Variants in BNC2 observed in about 807,000 individuals in gnomAD.
BNC2 encodes zinc finger protein basonuclin-2.
A neutral mutation model predicts 76.3 loss-of-function variants in BNC2; 20 were observed. The observed-to-expected ratio is 0.26, with a 90% confidence interval of 0.18 to 0.38. The LOEUF is 0.38. Among genes scored for constraint, BNC2 ranks in the 10% least tolerant of loss-of-function variants. The probability of loss-of-function intolerance (pLI) is 1.00; values close to 1 mark genes in which losing one functional copy is unlikely to be tolerated. For synonymous variants in BNC2, 582 were observed against 514.8 expected (o/e 1.13, Z -1.77); for missense variants, 1,382 against 1,399.8 (o/e 0.99, Z 0.20).
intron 2 of BNC2, among the ~76,000 whole-genome samples, chr9:16,737,541 T>C (rs4961743): frequency 0.9 from 134,401 of 148,764 alleles, 60,752 homozygotes; most frequent in Non-Finnish European, 0.91. Flanking sequence ...TGAGCCACCG[T>C]GCCTGGCTTT....
chr9:16,565,966 C>CAT (rs1037850145), intron 4 of BNC2, among the ~76,000 whole-genome samples: 1 of 152,060 alleles, frequency 6.6e-6, no homozygotes, highest in Non-Finnish European at 1.5e-5. Context: ...ACCAAGATGA[C>CAT]GCCAGAGAGA....
intron 5 of BNC2, among the ~76,000 whole-genome samples, chr9:16,476,613 C>G (rs964976361): frequency 7.9e-5 from 12 of 151,804 alleles, no homozygotes; most frequent in African/African-American, 2.9e-4. Context: ...TCCCCTCCCC[C>G]TAGTCTGTAA....
intron 6 of BNC2, chr9:16,429,468 C>T (rs1820864466): frequency 6.5e-6 from 1 of 153,950 alleles, no homozygotes. Flanking sequence ...GTGAGAAGGT[C>T]AGATAGATTC....
At chr9:16,463,903 T>G (rs1437430572) in intron 5 of BNC2, among the ~76,000 whole-genome samples, 1 of 151,812 alleles carries the variant, frequency 6.6e-6, no homozygotes, top group Non-Finnish European at 1.5e-5. Flanking sequence ...TGAGACCACC[T>G]GGGCCAACAT....
At chr9:16,484,952 C>G (rs1822130518) in intron 5 of BNC2, among the ~76,000 whole-genome samples, 1 of 152,124 alleles carries the variant, frequency 6.6e-6, no homozygotes, top group Non-Finnish European at 1.5e-5. Context: ...TATCAGGGAG[C>G]TTGAATGTTT....
intron 5 of BNC2, among the ~76,000 whole-genome samples, chr9:16,492,839 A>C (rs1326103868): frequency 5.3e-5 from 8 of 151,948 alleles, no homozygotes; most frequent in Admixed American, 1.3e-4. Flanking sequence ...GGGTAATCTG[A>C]AATGGTGTGT....
At chr9:16,481,129 G>C (rs1174861749) in intron 5 of BNC2, among the ~76,000 whole-genome samples, 1 of 152,120 alleles carries the variant, frequency 6.6e-6, no homozygotes. Context: ...GAGAACCTTT[G>C]TGTCCATACT....
chr9:16,807,837 G>C (rs1586900146), intron 1 of BNC2, among the ~76,000 whole-genome samples: 1 of 152,078 alleles, frequency 6.6e-6, no homozygotes, highest in Non-Finnish European at 1.5e-5. Flanking sequence ...TCACTCTGGA[G>C]TGAGAAATGA....
chr9:16,830,964 G>A (rs1194042944), intron 1 of BNC2, among the ~76,000 whole-genome samples: 1 of 152,208 alleles, frequency 6.6e-6, no homozygotes, highest in Non-Finnish European at 1.5e-5. Flanking sequence ...ACTGGCAGCT[G>A]GCTGAATGAA....
rs1820264395 is a variant in BNC2 at position 16,602,331 on chromosome 9, C to CT, written c.331-19247dup. ...TATTTACTACTAATCATCTTAATTA[C>CT]TTCATAGAGATTTTCATAGGTAACT... is the stretch of plus-strand genomic sequence containing the variant. On this transcript the variant is annotated intron_variant, in intron 3 of 6. Coordinates refer to ENST00000380672, the MANE Select transcript of BNC2 (RefSeq NM_017637.6). 3.3e-5 allele frequency among the ~76,000 whole-genome samples: 5 copies of CT among 152,282 alleles called. No individual in the cohort carries two copies. In the South Asian group the frequency reaches 1.0e-3, roughly 32 times the overall value.
At chr9:16,606,060 C>CGTTT (rs1820375267) in intron 3 of BNC2, among the ~76,000 whole-genome samples, 1 of 152,068 alleles carries the variant, frequency 6.6e-6, no homozygotes, top group Non-Finnish European at 1.5e-5. Context: ...TTTTTTTAAA[C>CGTTT]AAGCCATTTA....
Position 16,463,294 on chromosome 9 carries a change from C to CTTTTTTTTTT in BNC2, c.670-25780_670-25771dup, listed in dbSNP as rs34855187. On this transcript the variant is annotated intron_variant, in intron 5 of 6. Transcript: ENST00000380672. ...ACTGTGAGCATACAAGTATTAAATTCTTTTTTTTTTTTTTTTTTTTGAGAC... is the reference window on the plus strand; with the variant it reads ...ACTGTGAGCATACAAGTATTAAATTCTTTTTTTTTTTTTTTTTTTTTTTTTTTTTTGAGAC... Among the ~76,000 whole-genome samples the CTTTTTTTTTT allele has an allele frequency of 7.0e-4, 74 of 105,604 alleles. 6 individuals are homozygous for CTTTTTTTTTT. Among genetic ancestry groups the CTTTTTTTTTT allele is most frequent in the African/African-American group, 2.9e-3 (69 of 23,524 alleles). 69.3% of individuals were successfully genotyped at this position (105,604 alleles called of 152,430 possible). A position where few individuals can be genotyped will look rare whatever the true frequency, so the allele number is the denominator to read the frequency against.
intron 5 of BNC2, among the ~76,000 whole-genome samples, chr9:16,492,358 T>C (rs1403468993): frequency 6.6e-6 from 1 of 152,230 alleles, no homozygotes; most frequent in Non-Finnish European, 1.5e-5. Flanking sequence ...CAACCATCCA[T>C]ACTTAAGTAA....
At chr9:16,707,483 G>A (rs764017706) in intron 3 of BNC2, among the ~76,000 whole-genome samples, 25 of 152,022 alleles carry the variant, frequency 1.6e-4, no homozygotes, top group Non-Finnish European at 2.4e-4. Context: ...GATGAACCGG[G>A]GCCTATGAAA....
At chr9:16,559,376 G>C (rs951030109) in intron 4 of BNC2, among the ~76,000 whole-genome samples, 1 of 152,178 alleles carries the variant, frequency 6.6e-6, no homozygotes, top group African/African-American at 2.4e-5. Flanking sequence ...GAAGCCAAAA[G>C]ATTGGACATC....
intron 3 of BNC2, among the ~76,000 whole-genome samples, chr9:16,671,492 A>C (rs932994428): frequency 6.6e-6 from 1 of 152,154 alleles, no homozygotes. Flanking sequence ...CAGTGCCTTT[A>C]CCCCAACATC....
intron 3 of BNC2, among the ~76,000 whole-genome samples, chr9:16,624,767 G>C (rs1030362704): frequency 2.0e-5 from 3 of 152,130 alleles, no homozygotes; most frequent in African/African-American, 7.2e-5. Flanking sequence ...TATTTCTCTA[G>C]TTTATCGGAG....
At chr9:16,438,864 G>A (rs61393085) in intron 5 of BNC2, among the ~76,000 whole-genome samples, 10,965 of 151,988 alleles carry the variant, frequency 0.072, 406 homozygotes, top group Middle Eastern at 0.13. Flanking sequence ...AGAAGGGCAC[G>A]ACATCACTTT....
At chr9:16,495,406 A>C (rs7021958) in intron 5 of BNC2, among the ~76,000 whole-genome samples, 39,884 of 152,134 alleles carry the variant, frequency 0.26, 5,593 homozygotes, top group African/African-American at 0.37. Context: ...CTGTGGACTT[A>C]AGCAGATCAC....
Sources: allele counts gnomAD v4.1 joint callset (sites outside exome capture counted in the v4.1 genomes callset), GRCh38; gene constraint gnomAD v4.1.1; transcripts MANE v1.5; gene names NCBI Gene and HGNC (gene_info 2026-07-23, HGNC 2026-07-21).